Variants in LAMA3 observed in about 807,000 individuals in gnomAD.
LAMA3 encodes laminin subunit alpha-3.
In LAMA3, 281 loss-of-function variants were observed where a neutral mutation model predicts 402.0. The ratio of observed to expected loss-of-function variants is 0.70; its 90% confidence interval spans 0.63 to 0.77. The LOEUF (loss-of-function observed/expected upper bound fraction) is 0.77, where lower values mean the gene tolerates loss of function less well. Among genes scored for constraint, LAMA3 ranks in the 30% least tolerant of loss-of-function variants. The pLI is 0.00. For missense variants in LAMA3, 3,840 were observed against 4,215.5 expected (o/e 0.91, Z 2.47); for synonymous variants, 1,431 against 1,558.4 (o/e 0.92, Z 1.93).
chr18:23,785,673 T>G (rs1338464644), intron 12 of LAMA3, among the ~76,000 whole-genome samples: 1 of 152,224 alleles, frequency 6.6e-6, no homozygotes, highest in Non-Finnish European at 1.5e-5. Context: ...TTTGTTTAAA[T>G]GCCTGAATCC....
At chr18:23,930,739 T>C (rs1312187095) in intron 64 of LAMA3, among the ~76,000 whole-genome samples, 1 of 152,036 alleles carries the variant, frequency 6.6e-6, no homozygotes, top group East Asian at 1.9e-4. Context: ...ATAATAATAA[T>C]AAGATAAAAT....
intron 2 of LAMA3, among the ~76,000 whole-genome samples, chr18:23,740,691 G>T (rs2061547116): frequency 6.6e-6 from 1 of 152,168 alleles, no homozygotes; most frequent in Admixed American, 6.5e-5. Flanking sequence ...GTAGACATCT[G>T]TGCTACTCCA....
At chr18:23,817,500 C>T (rs1350714179) in intron 18 of LAMA3, among the ~76,000 whole-genome samples, 1 of 152,010 alleles carries the variant, frequency 6.6e-6, no homozygotes, top group Non-Finnish European at 1.5e-5. Context: ...TTGCTTGAGG[C>T]CAGGAGTTTA....
At chr18:23,907,968 C>A in intron 54 of LAMA3, 33 bp downstream of exon 54, 1 of 1,594,990 alleles carries the variant, frequency 6.3e-7, no homozygotes, top group Non-Finnish European at 8.6e-7. Flanking sequence ...GACATCTTAG[C>A]CATTCTCTCC....
At chr18:23,838,315 T>C (rs2063627356) in intron 25 of LAMA3, among the ~76,000 whole-genome samples, 1 of 152,224 alleles carries the variant, frequency 6.6e-6, no homozygotes, top group South Asian at 2.1e-4. Flanking sequence ...AAAGGCCAAA[T>C]TAGCCTGAGA....
At chr18:23,769,497 G>GACTC (rs1415165775) in intron 8 of LAMA3, among the ~76,000 whole-genome samples, 13 of 152,280 alleles carry the variant, frequency 8.5e-5, no homozygotes, top group African/African-American at 3.1e-4. Flanking sequence ...TTGACTGTGA[G>GACTC]ACGTGAAGGA....
At chr18:23,931,725 G>A (rs771301119) in intron 65 of LAMA3, 2 of 240,836 alleles carry the variant, frequency 8.3e-6, no homozygotes, top group Non-Finnish European at 1.6e-5. Context: ...AAACAGGCAA[G>A]AACTAATCCA....
Position 23,946,065 on chromosome 18 carries a change from TG to T in LAMA3, c.9211-77del. The T allele has an allele frequency of 2.9e-6, 4 of 1,379,088 alleles. No individual in the cohort carries two copies. In the South Asian group the frequency reaches 4.7e-5, roughly 16 times the overall value. 85.4% of individuals were successfully genotyped at this position (1,379,088 alleles called of 1,614,324 possible). ...AGCATGAAAACATTTTTTTTTAATTTGGCCACTAATATTTAATAAAATACAA... is the reference window on the plus strand; with the variant it reads ...AGCATGAAAACATTTTTTTTTAATTTGCCACTAATATTTAATAAAATACAA... On this transcript the variant is annotated intron_variant, in intron 69 of 74. Coordinates refer to ENST00000313654, the MANE Select transcript of LAMA3 (RefSeq NM_198129.4).
At position 23,895,065 on chromosome 18, in the gene LAMA3, C is replaced by A. The variant is rs1358278069; in HGVS notation, c.5613+7C>A. 4 of 1,586,302 alleles carry A rather than the reference C, an allele frequency of 2.5e-6. No homozygotes were observed. The African/African-American group carries it at 4.0e-5, about 16-fold the overall frequency. On this transcript the variant is annotated splice_region_variant and intron_variant, in intron 44 of 74. Coordinates refer to ENST00000313654, the MANE Select transcript of LAMA3 (RefSeq NM_198129.4). ...CCAGGCCAAGGACCTGAGGGTAAATCCCCTGCGGCCGAGAGTAGACACGTG... is the reference window on the plus strand; with the variant it reads ...CCAGGCCAAGGACCTGAGGGTAAATACCCTGCGGCCGAGAGTAGACACGTG...
chr18:23,914,469 C>T lies in LAMA3; in HGVS notation c.7389C>T (p.Asn2463=). The change falls in exon 57 of 75, where the codon AAC becomes AAT. Residue 2463 remains asparagine (N), a synonymous_variant. Coordinates refer to ENST00000313654, the MANE Select transcript of LAMA3 (RefSeq NM_198129.4). The part of the protein sequence containing the change: ...VVDGQLTCVY[N]LGDREAELQV... ...ATGGCCAGCTCACCTGTGTCTACAA[C>T]CTGGGGGACCGTGAGGCTGAACTCC... 1 of 1,614,120 alleles carries T rather than the reference C, an allele frequency of 6.2e-7. No individual in the cohort carries two copies.
chr18:23,690,528 A>C (rs1253744041), intron 1 of LAMA3, among the ~76,000 whole-genome samples: 2 of 152,232 alleles, frequency 1.3e-5, no homozygotes, highest in African/African-American at 4.8e-5. Context: ...ATGAGACCTT[A>C]GGCGGACAGA....
At chr18:23,751,338 G>T (rs1050402245) in intron 5 of LAMA3, among the ~76,000 whole-genome samples, 2 of 152,114 alleles carry the variant, frequency 1.3e-5, no homozygotes, top group African/African-American at 4.8e-5. Context: ...CCTGGTACTA[G>T]TCTGGATGGG....
At chr18:23,909,385 C>A in intron 55 of LAMA3, 90 bp downstream of exon 55, 1 of 1,228,952 alleles carries the variant, frequency 8.1e-7, no homozygotes. Flanking sequence ...CTTATTTACT[C>A]AAGAATTGGT....
At chr18:23,768,151 G>C (rs991568330) in intron 8 of LAMA3, among the ~76,000 whole-genome samples, 5 of 130,256 alleles carry the variant, frequency 3.8e-5, no homozygotes, top group African/African-American at 1.4e-4. Context: ...TTAAACTAAA[G>C]AGCTTCTATA....
chr18:23,847,166 A>G (rs2063834805), intron 31 of LAMA3, among the ~76,000 whole-genome samples: 1 of 152,152 alleles, frequency 6.6e-6, no homozygotes, highest in East Asian at 1.9e-4. Flanking sequence ...GCAGCCTCCT[A>G]CCAATTTCCA....
intron 2 of LAMA3, among the ~76,000 whole-genome samples, chr18:23,732,152 A>G (rs371537515): frequency 6.6e-6 from 1 of 152,246 alleles, no homozygotes; most frequent in East Asian, 1.9e-4. Flanking sequence ...GTGCCGGTAG[A>G]TCCTGCATTT....
In LAMA3 at chr18:23,731,242, A is replaced by G. The variant is rs111317232; in HGVS notation, c.448-16701A>G. Among the ~76,000 whole-genome samples, 167 of 152,330 alleles carry G rather than the reference A, an allele frequency of 1.1e-3. 1 individual carries two copies. Among genetic ancestry groups the G allele is most frequent in the African/African-American group, 3.6e-3 (151 of 41,576 alleles). On this transcript the variant is annotated intron_variant, in intron 2 of 74. Coordinates refer to ENST00000313654, the MANE Select transcript of LAMA3 (RefSeq NM_198129.4). ...TAAATGTTTCCAGTGACAGTGGGAT[A>G]ATAATATGTGTGTTGCTAGCTAAGA... is the stretch of plus-strand genomic sequence containing the variant.
Position 23,916,712 on chromosome 18 carries a change from A to C in LAMA3, c.7923+17A>C. 1 of 1,613,070 alleles carries C rather than the reference A, an allele frequency of 6.2e-7. No individual in the cohort carries two copies. Among genetic ancestry groups the C allele is most frequent in the Non-Finnish European group, 8.5e-7 (1 of 1,179,048 alleles). ...GAAAACGGGGTAATCTATAACAAGC[A>C]TCCAGATACAACCAAATATATTCAT... On this transcript the variant is annotated intron_variant, in intron 60 of 74. Coordinates refer to ENST00000313654, the MANE Select transcript of LAMA3 (RefSeq NM_198129.4).
In LAMA3 at chr18:23,909,133, AT is replaced by A. The variant is rs754072325; in HGVS notation, c.7016-12del. 1.6e-5 allele frequency: 25 copies of A among 1,608,520 alleles called. No individual in the cohort carries two copies. The highest frequency in any genetic ancestry group is 1.5e-4 in the African/African-American group (11 of 74,724). On this transcript the variant is annotated intron_variant, in intron 54 of 74. Transcript: ENST00000313654. ...TCTTAATGCACAATCTTACATTTCT[AT>A]TTTTTTTCTCACCAACAGTGAATAA...
Sources: gnomAD v4.1 joint callset for allele counts (sites outside exome capture counted in the v4.1 genomes callset) on GRCh38, gnomAD v4.1.1 for gene constraint, MANE v1.5 for transcripts, NCBI Gene and HGNC (gene_info 2026-07-23, HGNC 2026-07-21) for gene names.